Variants in TMEM143 observed in about 807,000 individuals in gnomAD.
TMEM143 encodes the protein transmembrane protein 143.
In TMEM143, 45 loss-of-function variants were observed where a neutral mutation model predicts 40.3. The ratio of observed to expected loss-of-function variants is 1.12; its 90% CI spans 0.88 to 1.43. The LOEUF (loss-of-function observed/expected upper bound fraction) is 1.43. Ranked by LOEUF, TMEM143 falls within the 40% of genes most tolerant of loss-of-function variation. The probability of loss-of-function intolerance (pLI) is 0.00; values close to 1 mark genes in which losing one functional copy is unlikely to be tolerated. For missense variants in TMEM143, 620 were observed against 613.4 expected, an observed-to-expected ratio of 1.01 and a Z score of -0.11; for synonymous variants, 299 against 282.7, an observed-to-expected ratio of 1.06 and a Z score of -0.58.
rs1969250428 is a variant in TMEM143 at position 48,333,100 on chromosome 19, T to C, written c.*119A>G. 1 of 813,564 alleles carries C rather than the reference T, an allele frequency of 1.2e-6. No individual in the cohort carries two copies. Among genetic ancestry groups the C allele is most frequent in the Non-Finnish European group, 1.8e-6 (1 of 569,304 alleles). The allele number at this position is 813,564 out of a possible 1,614,324, so 50.4% of individuals were successfully genotyped here. On this transcript the variant is annotated 3_prime_UTR_variant, in exon 8 of 8. Transcript: ENST00000293261. This position sits in a 1 kb window ranked among gnomAD's most constrained non-coding sequence, Gnocchi z 4.1. The stretch of plus-strand genomic sequence containing the variant: ...TAAGCACACAGTGCAGCAAAAATAA[T>C]CACCTGTCAGTTATTGGAAGTTGGA...
intron 3 of TMEM143, among the ~76,000 whole-genome samples, chr19:48,355,890 G>A (rs1016179358): frequency 6.6e-6 from 1 of 152,144 alleles, no homozygotes; most frequent in Non-Finnish European, 1.5e-5. Context: ...GTTTGACCTC[G>A]GAGGGGCTGG....
intron 6 of TMEM143, among the ~76,000 whole-genome samples, chr19:48,337,161 G>A (rs138916055): frequency 4.7e-4 from 72 of 152,292 alleles, no homozygotes; most frequent in Non-Finnish European, 7.6e-4. Flanking sequence ...ACCCTTACCG[G>A]CTGCCCCTGG....
rs184548346 is a variant in TMEM143 at position 48,337,659 on chromosome 19, G to A, written c.976-3462C>T. ...CCACACCCTGTGCTGGGTGCCCATA[G>A]GGTGTTCCCATCTCACACCGAGGCC... On this transcript the variant is annotated intron_variant, in intron 6 of 7. Coordinates refer to ENST00000293261, the MANE Select transcript of TMEM143 (RefSeq NM_018273.4). Among the ~76,000 whole-genome samples the A allele has an allele frequency of 3.5e-4, 54 of 152,212 alleles. 1 individual carries two copies. The highest frequency in any genetic ancestry group is 1.0e-3 in the African/African-American group (43 of 41,538).
At chr19:48,353,766 T>A (rs1010971612) in intron 3 of TMEM143, among the ~76,000 whole-genome samples, 3 of 149,884 alleles carry the variant, frequency 2.0e-5, no homozygotes, top group African/African-American at 7.5e-5. Context: ...AATGAGAGTG[T>A]CCTTATAAGA....
chr19:48,334,463 TTTC>T (rs1240124159), intron 6 of TMEM143, among the ~76,000 whole-genome samples: 5 of 50,044 alleles, frequency 1.0e-4, no homozygotes, highest in African/African-American at 3.1e-4. Flanking sequence ...TCTTTCTTTC[TTTC>T]TTTCTTTCTT....
intron 6 of TMEM143, among the ~76,000 whole-genome samples, chr19:48,339,568 C>T (rs376568082): frequency 3.9e-5 from 6 of 152,172 alleles, no homozygotes; most frequent in Middle Eastern, 6.8e-3. Context: ...CATGGGGACA[C>T]GCTGCACATG....
intron 3 of TMEM143, among the ~76,000 whole-genome samples, chr19:48,347,885 A>G (rs1038271308): frequency 5.7e-4 from 85 of 149,424 alleles, no homozygotes; most frequent in African/African-American, 2.0e-3. Flanking sequence ...GCCAGGCACA[A>G]TAGTGCATGC....
At position 48,363,449 on chromosome 19, in the gene TMEM143, CG is replaced by C; in HGVS notation, c.105del (p.Ala36ArgfsTer51). The C allele has an allele frequency of 6.2e-7, 1 of 1,613,936 alleles. No homozygotes were observed. The highest frequency in any genetic ancestry group is 8.5e-7 in the Non-Finnish European group (1 of 1,179,990). On this transcript the variant is annotated frameshift_variant, in exon 2 of 8. Coordinates refer to ENST00000293261, the MANE Select transcript of TMEM143 (RefSeq NM_018273.4). LOFTEE classifies it high-confidence loss of function. ...GSRVRVWPLL[P>X]ALLGPPRALS... ...AGGGCCCGGGGGGGCCCGAGGAGCGCGGGCAACAGTGGCCATACTCGGACCC... is the reference window on the plus strand; with the variant it reads ...AGGGCCCGGGGGGGCCCGAGGAGCGCGGCAACAGTGGCCATACTCGGACCC...
At chr19:48,353,479 C>T (rs1247842654) in intron 3 of TMEM143, among the ~76,000 whole-genome samples, 2 of 151,808 alleles carry the variant, frequency 1.3e-5, no homozygotes, top group South Asian at 2.1e-4. Flanking sequence ...CCACCATGCC[C>T]GGCCCAACAA....
At position 48,340,814 on chromosome 19, in the gene TMEM143, C is replaced by T. The variant is rs2147361452; in HGVS notation, c.975+1716G>A. Among the ~76,000 whole-genome samples the T allele has an allele frequency of 2.6e-5, 4 of 152,224 alleles. 1 individual carries two copies. The South Asian group carries it at 8.3e-4, about 32-fold the overall frequency. ...TACCACTCTGGGCATTCAAGGCCCT[C>T]ACCACCCTCTGGGACTTCCCCTCTC... On this transcript the variant is annotated intron_variant, in intron 6 of 7. Coordinates refer to ENST00000293261, the MANE Select transcript of TMEM143 (RefSeq NM_018273.4).
intron 6 of TMEM143, among the ~76,000 whole-genome samples, chr19:48,341,272 G>A (rs62131991): frequency 0.029 from 4,350 of 152,320 alleles, 86 homozygotes; most frequent in Non-Finnish European, 0.04. Flanking sequence ...CACAAGTTGG[G>A]TGTCAGCCTC....
Position 48,332,959 on chromosome 19 carries a change from T to A in TMEM143, c.*260A>T. 6.1e-6 allele frequency: 2 copies of A among 325,444 alleles called. No individual in the cohort carries two copies. The highest frequency in any genetic ancestry group is 2.1e-5 in the African/African-American group (1 of 47,096). The allele number at this position is 325,444 out of a possible 1,614,324, so 20.2% of individuals were successfully genotyped here. A position where few individuals can be genotyped will look rare whatever the true frequency, so the allele number is the denominator to read the frequency against. On this transcript the variant is annotated 3_prime_UTR_variant, in exon 8 of 8. Transcript: ENST00000293261. ...CCAAACCACACTTGGATGTTTATGG[T>A]GAGGGTGGGACTAAGAAATGGAACA...
chr19:48,341,799 C>T (rs1330993108), intron 6 of TMEM143, among the ~76,000 whole-genome samples: 1 of 152,030 alleles, frequency 6.6e-6, no homozygotes, highest in East Asian at 1.9e-4. Flanking sequence ...ACACCCCCTT[C>T]ACCGCATCAC....
intron 6 of TMEM143, among the ~76,000 whole-genome samples, chr19:48,334,497 G>A (rs924238849): frequency 2.2e-5 from 1 of 45,616 alleles, no homozygotes; most frequent in Non-Finnish European, 4.6e-5. Context: ...TCTTTCTTTC[G>A]TTCTTTCTTT....
At chr19:48,360,575 CAAAAA>C (rs66559365) in intron 2 of TMEM143, 6 of 101,282 alleles carry the variant, frequency 5.9e-5, no homozygotes, top group South Asian at 3.2e-4. Flanking sequence ...GACTCTGTCT[CAAAAA>C]AAAAAAAAAA....
Position 48,360,075 on chromosome 19 carries a change from C to A in TMEM143, c.366G>T (p.Leu122=), listed in dbSNP as rs1449515267. 1 of 1,613,978 alleles carries A rather than the reference C, an allele frequency of 6.2e-7. No individual in the cohort carries two copies. Among genetic ancestry groups the A allele is most frequent in the Non-Finnish European group, 8.5e-7 (1 of 1,179,966 alleles). The change falls in exon 3 of 8, where the codon CTG becomes CTT. Residue 122 remains leucine (L), a synonymous_variant. Coordinates refer to ENST00000293261, the MANE Select transcript of TMEM143 (RefSeq NM_018273.4). ...GCTGGAAGGGCCCCGTCCTCACCTG[C>A]AGCCGGGCCAGGATTTGGTGGTAGT... ...LFHYHQILAR[L]QALYDPINPD...
At position 48,342,563 on chromosome 19, in the gene TMEM143, G is replaced by A. The variant is rs371521776; in HGVS notation, c.942C>T (p.Leu314=). 3 of 1,612,096 alleles carry A rather than the reference G, an allele frequency of 1.9e-6. No individual in the cohort carries two copies. The highest frequency in any genetic ancestry group is 2.5e-6 in the Non-Finnish European group (3 of 1,179,584). ...CCCGCAGGCCCATGAAGATGGCGAA[G>A]AGCAGCAGCAGCAGGGAGGTGGCCA... ...LKVATSLLLL[L]FAIFMGLRAS... The change falls in exon 6 of 8, where the codon CTC becomes CTT. Residue 314 remains leucine (L), a synonymous_variant. Transcript: ENST00000293261.
intron 3 of TMEM143, among the ~76,000 whole-genome samples, chr19:48,352,262 A>AAAAAAAAAACAAAAAAAAAAAAAAAC: frequency 6.9e-6 from 1 of 145,186 alleles, no homozygotes; most frequent in African/African-American, 2.6e-5. Context: ...AAAAAAAAAA[A>AAAAAAAAAACAAAAAAAAAAAAAAAC]CACCATATCT....
Position 48,363,891 on chromosome 19 carries a change from C to A in TMEM143, c.23+7G>T. On this transcript the variant is annotated splice_region_variant and intron_variant, in intron 1 of 7. Coordinates refer to ENST00000293261, the MANE Select transcript of TMEM143 (RefSeq NM_018273.4). ...CTGGCCATGCAATCCCCCGATTTCTCCCTCACCTTAGCCAAAGCTCGACTG... is the reference window on the plus strand; with the variant it reads ...CTGGCCATGCAATCCCCCGATTTCTACCTCACCTTAGCCAAAGCTCGACTG... 6.2e-7 allele frequency: 1 copy of A among 1,613,966 alleles called. No homozygotes were observed. The highest frequency in any genetic ancestry group is 1.3e-5 in the African/African-American group (1 of 75,042).
Sources: gnomAD v4.1 joint callset for allele counts (sites outside exome capture counted in the v4.1 genomes callset) on GRCh38, gnomAD v4.1.1 for gene constraint, Gnocchi (gnomAD v3.1) non-coding constraint, MANE v1.5 for transcripts, NCBI Gene and HGNC (gene_info 2026-07-23, HGNC 2026-07-21) for gene names.